Variants in TSKU observed in about 807,000 individuals in gnomAD.
The protein encoded by TSKU is tsukushi.
In TSKU, 4 loss-of-function variants were observed where a neutral mutation model predicts 11.2. That is an observed-to-expected ratio of 0.36 (90% CI 0.18 to 0.82). The LOEUF (loss-of-function observed/expected upper bound fraction) is 0.82, where lower values mean the gene tolerates loss of function less well. TSKU is among the 40% of genes least tolerant of loss of function. The pLI, the probability that TSKU is intolerant of heterozygous loss-of-function variation, is 0.50. For synonymous variants in TSKU, 220 were observed against 232.2 expected, an observed-to-expected ratio of 0.95 and a Z score of 0.48; for missense variants, 407 against 482.5, an observed-to-expected ratio of 0.84 and a Z score of 1.47.
chr11:76,792,652 T>A (rs1295567537), intron 1 of TSKU: 1 of 152,808 alleles, frequency 6.5e-6, no homozygotes, highest in Non-Finnish European at 1.5e-5. Flanking sequence ...CAAGATCTGA[T>A]GGGTTTATCA....
chr11:76,788,790 T>C (rs952349726), intron 1 of TSKU, among the ~76,000 whole-genome samples: 4 of 152,164 alleles, frequency 2.6e-5, no homozygotes, highest in African/African-American at 9.7e-5. Flanking sequence ...CCTCTAGGCC[T>C]GGCTCTGATC....
At chr11:76,789,615 T>C (rs1441001835) in intron 1 of TSKU, among the ~76,000 whole-genome samples, 2 of 152,198 alleles carry the variant, frequency 1.3e-5, no homozygotes, top group African/African-American at 4.8e-5. Flanking sequence ...AAATCACAGA[T>C]GGATGTGGTT....
chr11:76,796,584 G>A lies in TSKU; in HGVS notation c.968G>A (p.Gly323Asp). 6.5e-7 allele frequency: 1 copy of A among 1,550,272 alleles called. No individual in the cohort carries two copies. Among genetic ancestry groups the A allele is most frequent in the South Asian group, 1.2e-5 (1 of 83,258 alleles). ...CGGTGCCGGCGCCTGGTGCGGGAGG[G>A]CACCTACCCCCGGAGGCCTGGCTCC... ...DVRCRRLVRE[G>D]TYPRRPGSSP... is the part of the protein sequence containing the mutation. The change falls in exon 2 of 2, where the codon GGC (glycine) becomes GAC (aspartate). Residue 323 changes from glycine to aspartate, a missense_variant. Coordinates refer to ENST00000333090, the MANE Select transcript of TSKU (RefSeq NM_015516.4). This position sits in a 1 kb window ranked among gnomAD's most constrained non-coding sequence, Gnocchi z 4.1.
Position 76,796,581 on chromosome 11 carries a change from AGGGCACCTACCCCCGGAG to A in TSKU, c.967_984del (p.Gly323_Arg328del). The A allele has an allele frequency of 6.4e-7, 1 of 1,557,070 alleles. No individual in the cohort carries two copies. The highest frequency in any genetic ancestry group is 8.7e-7 in the Non-Finnish European group (1 of 1,150,302). ...GTGCGGTGCCGGCGCCTGGTGCGGGAGGGCACCTACCCCCGGAGGCCTGGCTCCAGCCCCAAGGTGGCC... is the reference window on the plus strand; with the variant it reads ...GTGCGGTGCCGGCGCCTGGTGCGGGAGCCTGGCTCCAGCCCCAAGGTGGCC... On this transcript the variant is annotated inframe_deletion, in exon 2 of 2. Coordinates refer to ENST00000333090, the MANE Select transcript of TSKU (RefSeq NM_015516.4). The surrounding 1 kb of genome is among the most constrained non-coding windows in gnomAD (Gnocchi z 4.1).
At position 76,784,756 on chromosome 11, in the gene TSKU, G is replaced by T. The variant is rs531106566; in HGVS notation, c.-9+1352G>T. The stretch of plus-strand genomic sequence containing the variant: ...GGGGCTGACCGGAGGTGGGGGGGGG[G>T]GGGTGCTCAGAGCTGCAGGAGCCTG... On this transcript the variant is annotated intron_variant, in intron 1 of 1. Transcript: ENST00000333090. 1.8e-4 allele frequency among the ~76,000 whole-genome samples: 26 copies of T among 144,834 alleles called. 1 individual carries two copies. The East Asian group carries it at 3.8e-3, about 21-fold the overall frequency.
Position 76,795,697 on chromosome 11 carries a change from G to A in TSKU, c.81G>A (p.Glu27=). The A allele has an allele frequency of 6.2e-7, 1 of 1,614,174 alleles. No homozygotes were observed. The highest frequency in any genetic ancestry group is 8.5e-7 in the Non-Finnish European group (1 of 1,180,044). The change falls in exon 2 of 2, where the codon GAG becomes GAA. Residue 27 remains glutamate (E), a synonymous_variant. Coordinates refer to ENST00000333090, the MANE Select transcript of TSKU (RefSeq NM_015516.4). ...TRPCFPGCQC[E]VETFGLFDSF... ...CATGCTTCCCCGGGTGCCAATGCGAGGTGGAGACCTTCGGCCTTTTCGACA... is the reference window on the plus strand; with the variant it reads ...CATGCTTCCCCGGGTGCCAATGCGAAGTGGAGACCTTCGGCCTTTTCGACA...
At chr11:76,786,629 G>T (rs946277557) in intron 1 of TSKU, among the ~76,000 whole-genome samples, 1 of 152,182 alleles carries the variant, frequency 6.6e-6, no homozygotes, top group African/African-American at 2.4e-5. Flanking sequence ...GTTGCAGCAG[G>T]TCTCTTGAGC....
rs936762608 is a variant in TSKU, at chr11:76,784,753, G to GT, written c.-9+1349_-9+1350insT. On this transcript the variant is annotated intron_variant, in intron 1 of 1. Transcript: ENST00000333090. ...CCTGGGGCTGACCGGAGGTGGGGGG[G>GT]GGGGGGTGCTCAGAGCTGCAGGAGC... is the stretch of plus-strand genomic sequence containing the variant. 3.4e-5 allele frequency among the ~76,000 whole-genome samples: 5 copies of GT among 145,856 alleles called. 1 individual carries two copies. The highest frequency in any genetic ancestry group is 2.0e-4 in the East Asian group (1 of 5,096).
At position 76,795,703 on chromosome 11, in the gene TSKU, G is replaced by A. The variant is rs566787568; in HGVS notation, c.87G>A (p.Glu29=). Residue 29 remains glutamate (E), a synonymous_variant, in exon 2 of 2, where the codon GAG becomes GAA. Transcript: ENST00000333090. ...PCFPGCQCEV[E]TFGLFDSFSL... ...TCCCCGGGTGCCAATGCGAGGTGGA[G>A]ACCTTCGGCCTTTTCGACAGCTTCA... 16 of 1,614,192 alleles carry A rather than the reference G, an allele frequency of 9.9e-6. No homozygotes were observed. In the East Asian group the frequency reaches 3.6e-4, roughly 36 times the overall value.
At chr11:76,785,771 C>G (rs1009959182) in intron 1 of TSKU, among the ~76,000 whole-genome samples, 10 of 152,114 alleles carry the variant, frequency 6.6e-5, no homozygotes, top group African/African-American at 2.4e-4. Context: ...CTATGAAACC[C>G]GTCTCTGGCT....
Position 76,796,516 on chromosome 11 carries a change from C to A in TSKU, c.900C>A (p.Leu300=), listed in dbSNP as rs761142938. Reference sequence around the variant, plus strand: ...TGCCCCTGCCTGAGGCGCTGCTCCTCCACCTCCCGGCACTGCAGAGCGTCA... The same window carrying A: ...TGCCCCTGCCTGAGGCGCTGCTCCTACACCTCCCGGCACTGCAGAGCGTCA... The part of the protein sequence containing the change: ...NLVPLPEALL[L]HLPALQSVSV... Residue 300 remains leucine (L), a synonymous_variant, in exon 2 of 2, where the codon CTC becomes CTA. Transcript: ENST00000333090. This position sits in a 1 kb window ranked among gnomAD's most constrained non-coding sequence, Gnocchi z 4.1. 6.2e-6 allele frequency: 10 copies of A among 1,611,752 alleles called. No individual in the cohort carries two copies. The highest frequency in any genetic ancestry group is 4.4e-5 in the South Asian group (4 of 90,994).
chr11:76,787,912 A>C (rs1295081651), intron 1 of TSKU, among the ~76,000 whole-genome samples: 2 of 152,186 alleles, frequency 1.3e-5, no homozygotes, highest in Non-Finnish European at 2.9e-5. Flanking sequence ...TAGGGACAGT[A>C]TCCCCAGGGT....
rs1451552980 is a variant in TSKU at position 76,796,664 on chromosome 11, C to T, written c.1048C>T (p.Pro350Ser). 6.9e-7 allele frequency: 1 copy of T among 1,449,560 alleles called. No individual in the cohort carries two copies. 89.8% of individuals were successfully genotyped at this position (1,449,560 alleles called of 1,614,324 possible). ...CACCCGGGATTCTGCTGCCAGGGGCCCCACCATCTTGTGACAAATGGTGTG... is the reference window on the plus strand; with the variant it reads ...CACCCGGGATTCTGCTGCCAGGGGCTCCACCATCTTGTGACAAATGGTGTG... ...VDTRDSAARG[P>S]TIL Residue 350 changes from proline to serine, a missense_variant, in exon 2 of 2, where the codon CCC (proline) becomes TCC (serine). Physicochemically the swap from Pro to Ser is moderately conservative, Grantham distance 74. Transcript: ENST00000333090. The surrounding 1 kb of genome is among the most constrained non-coding windows in gnomAD (Gnocchi z 4.1).
Position 76,797,506 on chromosome 11 carries a change from C to A in TSKU, c.*828C>A, listed in dbSNP as rs1034057288. 6.0e-6 allele frequency: 1 copy of A among 167,164 alleles called. No individual in the cohort carries two copies. Among genetic ancestry groups the A allele is most frequent in the African/African-American group, 2.4e-5 (1 of 41,456 alleles). The allele number at this position is 167,164 out of a possible 1,614,324, so 10.4% of individuals were successfully genotyped here. A position where few individuals can be genotyped will look rare whatever the true frequency, so the allele number is the denominator to read the frequency against. On this transcript the variant is annotated 3_prime_UTR_variant, in exon 2 of 2. Coordinates refer to ENST00000333090, the MANE Select transcript of TSKU (RefSeq NM_015516.4). Reference sequence around the variant, plus strand: ...GCATGGGCTAAGTCACTCTGCCCTTCGGAGCCTCTGGAAGCTTAGGGCACA... The same window carrying A: ...GCATGGGCTAAGTCACTCTGCCCTTAGGAGCCTCTGGAAGCTTAGGGCACA...
chr11:76,796,161 C>G lies in TSKU; in HGVS notation c.545C>G (p.Pro182Arg). The G allele has an allele frequency of 6.2e-7, 1 of 1,613,684 alleles. No homozygotes were observed. Among genetic ancestry groups the G allele is most frequent in the Non-Finnish European group, 8.5e-7 (1 of 1,180,016 alleles). ...CCCCACCCCACGAGGGCCGGCCTGC[C>G]TGCGCCCACCATTCAGAGCCTGAAC... The part of the protein sequence containing the change: ...LVPHPTRAGL[P>R]APTIQSLNLA... The change falls in exon 2 of 2, where the codon CCT (proline) becomes CGT (arginine). Residue 182 changes from proline to arginine, a missense_variant. Physicochemically the swap from Pro to Arg is moderately radical, Grantham distance 103. Coordinates refer to ENST00000333090, the MANE Select transcript of TSKU (RefSeq NM_015516.4). The surrounding 1 kb of genome is among the most constrained non-coding windows in gnomAD (Gnocchi z 4.1).
At chr11:76,785,491 G>A (rs747032053) in intron 1 of TSKU, among the ~76,000 whole-genome samples, 2 of 152,222 alleles carry the variant, frequency 1.3e-5, no homozygotes, top group Admixed American at 6.5e-5. Flanking sequence ...TTTGAAGTCA[G>A]TGGGTACACA....
chr11:76,789,320 A>G (rs925831426), intron 1 of TSKU, among the ~76,000 whole-genome samples: 7 of 152,232 alleles, frequency 4.6e-5, no homozygotes, highest in African/African-American at 7.2e-5. Flanking sequence ...GACAACTTAC[A>G]GGTGCCTCGT....
intron 1 of TSKU, among the ~76,000 whole-genome samples, chr11:76,789,434 G>A (rs1222886867): frequency 6.6e-6 from 1 of 152,226 alleles, no homozygotes; most frequent in Non-Finnish European, 1.5e-5. Flanking sequence ...TCATAGCAGT[G>A]TGTGCGGTGT....
intron 1 of TSKU, chr11:76,792,202 C>T (rs779254505): frequency 1.3e-5 from 2 of 152,240 alleles, no homozygotes; most frequent in Non-Finnish European, 2.9e-5. Flanking sequence ...GACTGCCCTG[C>T]TGGATTTTGA....
Sources: gnomAD v4.1 joint callset for allele counts (sites outside exome capture counted in the v4.1 genomes callset) on GRCh38, gnomAD v4.1.1 for gene constraint, Gnocchi (gnomAD v3.1) non-coding constraint, MANE v1.5 for transcripts, NCBI Gene and HGNC (gene_info 2026-07-23, HGNC 2026-07-21) for gene names.